Variants in ASB10 observed in about 807,000 individuals in gnomAD.
ASB10 encodes the protein ankyrin repeat and SOCS box containing 10.
In ASB10, 44 loss-of-function variants were observed where a neutral mutation model predicts 35.4. The ratio of observed to expected loss-of-function variants is 1.24; its 90% CI spans 0.98 to 1.60. The LOEUF (loss-of-function observed/expected upper bound fraction) is 1.60, where lower values mean the gene tolerates loss of function less well. Among genes scored for constraint, ASB10 ranks in the 40% most tolerant of loss-of-function variants. ASB10 has a pLI of 0.00. For missense variants in ASB10, 647 were observed against 634.3 expected, an observed-to-expected ratio of 1.02 and a Z score of -0.22; for synonymous variants, 294 against 280.4, an observed-to-expected ratio of 1.05 and a Z score of -0.49.
Position 151,186,813 on chromosome 7 carries a change from A to C in ASB10, c.316+2T>G. ...GAGAGCCCCCAGTGCCCCGGCCCGT[A>C]CTCAGAGCACGGATGTTGAAGCGGA... On this transcript the variant is annotated splice_donor_variant, in intron 1 of 5. Coordinates refer to ENST00000420175, the MANE Select transcript of ASB10 (RefSeq NM_001142459.2). LOFTEE classifies it high-confidence loss of function. The C allele has an allele frequency of 6.3e-7, 1 of 1,587,616 alleles. No individual in the cohort carries two copies. The highest frequency in any genetic ancestry group is 1.1e-5 in the South Asian group (1 of 87,388).
At chr7:151,187,497 G>T, upstream of ASB10, 1 of 1,551,344 alleles carries the variant, frequency 6.4e-7, no homozygotes, top group Non-Finnish European at 8.7e-7. The surrounding 1 kb of genome is among the most constrained non-coding windows in gnomAD (Gnocchi z 5.3). Context: ...CGGCTCTCCA[G>T]CAGCAGGTCG....
chr7:151,176,042 C>A (rs1801378893), intron 5 of ASB10, 70 bp downstream of exon 5: 2 of 1,551,036 alleles, frequency 1.3e-6, no homozygotes, highest in African/African-American at 2.7e-5. Flanking sequence ...CCCTCCCCAA[C>A]CCTTCTCTTG....
Position 151,176,311 on chromosome 7 carries a change from A to G in ASB10, c.1219-14T>C. 6.5e-7 allele frequency: 1 copy of G among 1,532,850 alleles called. No individual in the cohort carries two copies. The allele number at this position is 1,532,850 out of a possible 1,614,324, so 95.0% of individuals were successfully genotyped here. On this transcript the variant is annotated splice_polypyrimidine_tract_variant and intron_variant, in intron 4 of 5. Coordinates refer to ENST00000420175, the MANE Select transcript of ASB10 (RefSeq NM_001142459.2). Reference sequence around the variant, plus strand: ...ACGCTGATGTTTCTGGGGGCAGAACAAGGGGCTCAGTGAGAGGCAGCCTCA... The same window carrying G: ...ACGCTGATGTTTCTGGGGGCAGAACGAGGGGCTCAGTGAGAGGCAGCCTCA...
Position 151,182,154 on chromosome 7 carries a change from A to C in ASB10, c.585-696T>G, listed in dbSNP as rs184395963. On this transcript the variant is annotated intron_variant, in intron 2 of 5. Transcript: ENST00000420175. ...TCTCATGCAAGTTGACATGGCTAGTAGGGGTAGGGCTGCTATTTGGGTTCA... is the reference window on the plus strand; with the variant it reads ...TCTCATGCAAGTTGACATGGCTAGTCGGGGTAGGGCTGCTATTTGGGTTCA... Among the ~76,000 whole-genome samples, 136 of 152,220 alleles carry C rather than the reference A, an allele frequency of 8.9e-4. 2 individuals carry two copies. The East Asian group carries it at 0.02, about 23-fold the overall frequency.
chr7:151,176,505 G>A (rs1354028856), intron 4 of ASB10, 58 bp downstream of exon 4: 5 of 1,508,644 alleles, frequency 3.3e-6, no homozygotes, highest in East Asian at 2.5e-5. Context: ...GCGGTTTAGC[G>A]GGTGGGAGTC....
Position 151,185,112 on chromosome 7 carries a change from C to CTT in ASB10, c.584+1278_584+1279dup, listed in dbSNP as rs751001812. ...TTGAAAATTAATTTTACATATTTGT[C>CTT]TTTTTTTTTTTTTTTTTGTGAGACA... On this transcript the variant is annotated intron_variant, in intron 2 of 5. Coordinates refer to ENST00000420175, the MANE Select transcript of ASB10 (RefSeq NM_001142459.2). Among the ~76,000 whole-genome samples, 1,081 of 127,976 alleles carry CTT rather than the reference C, an allele frequency of 8.4e-3. 57 individuals carry two copies. In the East Asian group the frequency reaches 0.12, roughly 15 times the overall value. 84.0% of individuals were successfully genotyped at this position (127,976 alleles called of 152,430 possible).
intron 3 of ASB10, among the ~76,000 whole-genome samples, chr7:151,178,001 G>A (rs1194099257): frequency 2.6e-5 from 4 of 152,150 alleles, no homozygotes; most frequent in African/African-American, 7.2e-5. Flanking sequence ...TAATCCCAGC[G>A]CTTTGGGAGG....
chr7:151,176,542 T>C, intron 4 of ASB10, 21 bp downstream of exon 4: 1 of 1,544,842 alleles, frequency 6.5e-7, no homozygotes, highest in Non-Finnish European at 8.8e-7. Flanking sequence ...AAGCTCTATG[T>C]TCAGGGCCTT....
chr7:151,176,164 G>C lies in ASB10; in HGVS notation c.1352C>G (p.Pro451Arg). 3.1e-6 allele frequency: 5 copies of C among 1,611,806 alleles called. No individual in the cohort carries two copies. The highest frequency in any genetic ancestry group is 4.2e-6 in the Non-Finnish European group (5 of 1,179,820). Residue 451 changes from proline (P) to arginine (R), a missense_variant, in exon 5 of 6, where the codon CCA becomes CGA. By Grantham distance (103) the Pro-to-Arg change is moderately radical. Coordinates refer to ENST00000420175, the MANE Select transcript of ASB10 (RefSeq NM_001142459.2). Reference sequence around the variant, plus strand: ...CTGCAGGTAGCGGAGCAGGCGCGGTGGCAGGGGGAGGCGGGGCAGCGCTTG... The same window carrying C: ...CTGCAGGTAGCGGAGCAGGCGCGGTCGCAGGGGGAGGCGGGGCAGCGCTTG... ...LPQALPRLPL[P>R]PRLLRYLQLD... is the part of the protein sequence containing the mutation.
intron 2 of ASB10, among the ~76,000 whole-genome samples, chr7:151,182,527 G>A (rs1422685627): frequency 6.6e-6 from 1 of 152,130 alleles, no homozygotes; most frequent in African/African-American, 2.4e-5. Context: ...GCAGTGAGCC[G>A]AGATCATGCC....
Position 151,187,004 on chromosome 7 carries a change from G to C in ASB10, c.127C>G (p.Pro43Ala). The C allele has an allele frequency of 6.2e-7, 1 of 1,610,988 alleles. No individual in the cohort carries two copies. The highest frequency in any genetic ancestry group is 8.5e-7 in the Non-Finnish European group (1 of 1,177,876). ...GCTGTGCGGGTGACGATGGGTCCCG[G>C]GCCAGACTTGAGGTGCTCCTCAGAC... ...RGSEEHLKSG[P>A]GPIVTRTASG... The change falls in exon 1 of 6, where the codon CCG becomes GCG. Residue 43 changes from proline (P) to alanine (A), a missense_variant. Physicochemically the swap from Pro to Ala is conservative, Grantham distance 27. Transcript: ENST00000420175. This position sits in a 1 kb window ranked among gnomAD's most constrained non-coding sequence, Gnocchi z 5.3.
intron 3 of ASB10, among the ~76,000 whole-genome samples, chr7:151,180,466 A>G (rs574632743): frequency 6.6e-6 from 1 of 152,198 alleles, no homozygotes; most frequent in Admixed American, 6.5e-5. Context: ...CTTCCCTTGG[A>G]CAGCCTCTCC....
chr7:151,182,981 T>G (rs762822475), intron 2 of ASB10, among the ~76,000 whole-genome samples: 8 of 152,200 alleles, frequency 5.3e-5, no homozygotes, highest in Non-Finnish European at 1.2e-4. Flanking sequence ...TATCACTGGG[T>G]GTGATCTCAG....
At chr7:151,179,946 G>A (rs1256093347) in intron 3 of ASB10, among the ~76,000 whole-genome samples, 2 of 152,200 alleles carry the variant, frequency 1.3e-5, no homozygotes, top group Admixed American at 6.5e-5. Context: ...CCAATCTGCC[G>A]AACTCTTGGG....
chr7:151,186,402 C>T lies in ASB10; in HGVS notation c.574G>A (p.Gly192Ser), dbSNP rs1185990188. The T allele has an allele frequency of 2.5e-6, 4 of 1,585,938 alleles. No individual in the cohort carries two copies. Among genetic ancestry groups the T allele is most frequent in the Non-Finnish European group, 3.4e-6 (4 of 1,166,438 alleles). The part of the protein sequence containing the change: ...KRPLHLCRGP[G>S]TLECAELLLR... ...TGAGGGGTCACTCACTCAAGGGTGC[C>T]AGGCCCCCGGCAGAGATGCAGGGGG... Residue 192 changes from glycine to serine, a missense_variant, in exon 2 of 6, where the codon GGC becomes AGC. Transcript: ENST00000420175.
Position 151,181,448 on chromosome 7 carries a change from G to C in ASB10, c.595C>G (p.Leu199Val). 1 of 1,592,810 alleles carries C rather than the reference G, an allele frequency of 6.3e-7. No homozygotes were observed. Among genetic ancestry groups the C allele is most frequent in the South Asian group, 1.1e-5 (1 of 88,798 alleles). Residue 199 changes from leucine to valine, a missense_variant, in exon 3 of 6, where the codon CTG becomes GTG. Leu to Val is a conservative substitution (Grantham distance 32, BLOSUM62 1). Coordinates refer to ENST00000420175, the MANE Select transcript of ASB10 (RefSeq NM_001142459.2). ...RGPGTLECAE[L>V]LLRFGARVDG... ...ACTCTCGCTCCAAACCTGAGGAGCA[G>C]CTCCGCACACCTATTGGGGGGAGAC...
intron 2 of ASB10, 84 bp from the exon 3 acceptor site, chr7:151,181,542 C>A: frequency 6.9e-7 from 1 of 1,456,194 alleles, no homozygotes; most frequent in Non-Finnish European, 9.0e-7. Context: ...GGTTCTGTCT[C>A]CCCCCACCCA....
rs760877752 is a variant in ASB10 at position 151,176,267 on chromosome 7, C to T, written c.1249G>A (p.Ala417Thr). 6.2e-5 allele frequency: 97 copies of T among 1,569,526 alleles called. No homozygotes were observed. The highest frequency in any genetic ancestry group is 8.0e-5 in the Non-Finnish European group (93 of 1,159,114). Residue 417 changes from alanine to threonine, a missense_variant, in exon 5 of 6, where the codon GCC becomes ACC. Transcript: ENST00000420175. The part of the protein sequence containing the change: ...KHQRFYSSLF[A>T]LVRQPRSLQH... ...AGCGACCTGGGCTGCCTCACCAAGG[C>T]GAAGAGGGAGGAGTAGAAACGCTGA...
chr7:151,178,197 C>T (rs888645658), intron 3 of ASB10, among the ~76,000 whole-genome samples: 16 of 152,116 alleles, frequency 1.1e-4, no homozygotes, highest in Admixed American at 6.5e-4. Context: ...TGCAGTGAGC[C>T]GGGATCGTGC....
Sources: allele counts gnomAD v4.1 joint callset (sites outside exome capture counted in the v4.1 genomes callset), GRCh38; gene constraint gnomAD v4.1.1; non-coding constraint Gnocchi (gnomAD v3.1); transcripts MANE v1.5; gene names NCBI Gene and HGNC (gene_info 2026-07-23, HGNC 2026-07-21).